CTNNA3: variants seen among roughly 807,000 people sequenced by gnomAD.
CTNNA3 encodes catenin alpha 3.
A neutral mutation model predicts 95.7 loss-of-function variants in CTNNA3; 76 were observed. That is an observed-to-expected ratio of 0.79 (90% CI 0.66 to 0.96). The LOEUF (loss-of-function observed/expected upper bound fraction) is 0.96. Among genes scored for constraint, CTNNA3 ranks in the 40% least tolerant of loss-of-function variants. The pLI is 0.00. For missense variants in CTNNA3, 1,191 were observed against 1,089.8 expected, an observed-to-expected ratio of 1.09 and a Z score of -1.31; for synonymous variants, 431 against 374.4, an observed-to-expected ratio of 1.15 and a Z score of -1.74.
chr10:67,195,726 T>G (rs971517840), intron 6 of CTNNA3, among the ~76,000 whole-genome samples: 2 of 152,084 alleles, frequency 1.3e-5, no homozygotes, highest in African/African-American at 2.4e-5. Flanking sequence ...AACAAGGCTG[T>G]GACCATGCCT....
rs116367241 is a variant in CTNNA3, at chr10:66,349,553, G to T, written c.1732+29599C>A. 9.0e-3 allele frequency among the ~76,000 whole-genome samples: 1,374 copies of T among 152,158 alleles called. 20 individuals are homozygous for T. The highest frequency in any genetic ancestry group is 0.03 in the African/African-American group (1,253 of 41,544). ...GCTCATGAAGGAAAAGAAAAAGCAG[G>T]TTATTCTTTCCAAAGCCATTCACAA... On this transcript the variant is annotated intron_variant, in intron 12 of 17. Coordinates refer to ENST00000433211, the MANE Select transcript of CTNNA3 (RefSeq NM_013266.4).
chr10:67,331,491 G>A (rs146152137), intron 5 of CTNNA3, among the ~76,000 whole-genome samples: 1 of 150,904 alleles, frequency 6.6e-6, no homozygotes, highest in African/African-American at 2.4e-5. Flanking sequence ...AGTATTGTGA[G>A]AATCAACAAA....
chr10:66,785,793 T>C (rs1261251748), intron 7 of CTNNA3, among the ~76,000 whole-genome samples: 1 of 152,182 alleles, frequency 6.6e-6, no homozygotes, highest in Non-Finnish European at 1.5e-5. Flanking sequence ...TCTGTTTATC[T>C]GTAGAATCCT....
In CTNNA3 at chr10:67,668,450, A is replaced by G. The variant is rs150004707; in HGVS notation, c.-5-20932T>C. ...TTTTCCTATACCTGCAAACTATGAT[A>G]AAGTTTAATTTATAAGTTAGGCAAG... is the stretch of plus-strand genomic sequence containing the variant. On this transcript the variant is annotated intron_variant, in intron 1 of 17. Transcript: ENST00000433211. 9.0e-3 allele frequency among the ~76,000 whole-genome samples: 1,369 copies of G among 152,318 alleles called. 20 individuals carry two copies. The highest frequency in any genetic ancestry group is 0.031 in the African/African-American group (1,271 of 41,560).
intron 7 of CTNNA3, among the ~76,000 whole-genome samples, chr10:66,871,976 C>T (rs917990921): frequency 6.6e-6 from 1 of 152,204 alleles, no homozygotes; most frequent in African/African-American, 2.4e-5. Flanking sequence ...TATATTAGCA[C>T]TGCACAAGGT....
chr10:67,148,484 G>A (rs1860941029), intron 7 of CTNNA3, among the ~76,000 whole-genome samples: 1 of 152,192 alleles, frequency 6.6e-6, no homozygotes, highest in South Asian at 2.1e-4. Flanking sequence ...CTCTTTACCA[G>A]ATCATGGGGT....
At chr10:67,135,929 G>A (rs1489545207) in intron 7 of CTNNA3, among the ~76,000 whole-genome samples, 1 of 152,160 alleles carries the variant, frequency 6.6e-6, no homozygotes, top group East Asian at 1.9e-4. Flanking sequence ...AAGCAAAGCA[G>A]TTTATCTTTC....
Position 66,952,244 on chromosome 10 carries a change from G to A in CTNNA3, c.1048-176720C>T, listed in dbSNP as rs189917702. On this transcript the variant is annotated intron_variant, in intron 7 of 17. Coordinates refer to ENST00000433211, the MANE Select transcript of CTNNA3 (RefSeq NM_013266.4). ...AATGAAAAGAATACTCATTGTAATTGAAACTATGCAGGGGACAGAGCTTCC... is the reference window on the plus strand; with the variant it reads ...AATGAAAAGAATACTCATTGTAATTAAAACTATGCAGGGGACAGAGCTTCC... Among the ~76,000 whole-genome samples, 118 of 152,282 alleles carry A rather than the reference G, an allele frequency of 7.7e-4. No individual in the cohort carries two copies. The Middle Eastern group carries it at 0.014, about 18-fold the overall frequency.
intron 5 of CTNNA3, among the ~76,000 whole-genome samples, chr10:67,399,012 G>A (rs1042209895): frequency 2.4e-4 from 36 of 151,454 alleles, no homozygotes; most frequent in African/African-American, 8.2e-4. Flanking sequence ...AGAACAGAAC[G>A]AATACACTAT....
At chr10:66,719,592 T>C (rs539536299) in intron 9 of CTNNA3, among the ~76,000 whole-genome samples, 3 of 152,282 alleles carry the variant, frequency 2.0e-5, no homozygotes, top group South Asian at 4.1e-4. Flanking sequence ...AAAACTGCTA[T>C]GACCAGAAGT....
At chr10:66,841,904 ATACCTCTGTGGCAGGAAAGAAT>A in intron 7 of CTNNA3, among the ~76,000 whole-genome samples, 1 of 152,118 alleles carries the variant, frequency 6.6e-6, no homozygotes, top group Non-Finnish European at 1.5e-5. Context: ...AGGAAAGACT[ATACCTCTGTGGCAGGAAAGAAT>A]TTCCCATGTG....
intron 15 of CTNNA3, among the ~76,000 whole-genome samples, chr10:66,040,787 T>C (rs2079670461): frequency 6.6e-6 from 1 of 152,134 alleles, no homozygotes; most frequent in African/African-American, 2.4e-5. Flanking sequence ...CTAGGCTTAG[T>C]ACCTGGGTGA....
At chr10:66,407,300 T>C (rs1035092940) in intron 11 of CTNNA3, among the ~76,000 whole-genome samples, 8 of 151,956 alleles carry the variant, frequency 5.3e-5, no homozygotes, top group Admixed American at 1.3e-4. Flanking sequence ...AAAAAACCTA[T>C]ATTTTAGTGA....
At chr10:67,637,190 C>A (rs889950638) in intron 2 of CTNNA3, among the ~76,000 whole-genome samples, 4 of 152,198 alleles carry the variant, frequency 2.6e-5, no homozygotes, top group African/African-American at 7.2e-5. Flanking sequence ...GAGCTGAAAA[C>A]CATGACACTA....
At chr10:66,846,467 CCACACACACACA>C (rs34923400) in intron 7 of CTNNA3, among the ~76,000 whole-genome samples, 1 of 147,714 alleles carries the variant, frequency 6.8e-6, no homozygotes, top group East Asian at 2.0e-4. Context: ...AATGTTCTCA[CCACACACACACA>C]CACACACACA....
chr10:67,630,103 A>G (rs931158620), intron 2 of CTNNA3, among the ~76,000 whole-genome samples: 1 of 152,198 alleles, frequency 6.6e-6, no homozygotes, highest in African/African-American at 2.4e-5. Context: ...GCCCACCCTG[A>G]TAAAGTTAGC....
At chr10:66,928,028 T>C in intron 7 of CTNNA3, 2 of 1,614,128 alleles carry the variant, frequency 1.2e-6, no homozygotes, top group South Asian at 1.1e-5. Flanking sequence ...AGGTTTGATC[T>C]GGCCAGGGCT....
intron 2 of CTNNA3, among the ~76,000 whole-genome samples, chr10:67,645,963 T>C (rs1839693859): frequency 1.3e-5 from 2 of 148,232 alleles, no homozygotes; most frequent in Admixed American, 1.4e-4. Context: ...ATAATATATA[T>C]ACGTGTAAGG....
At chr10:65,963,882 A>C (rs1023291524) in intron 17 of CTNNA3, among the ~76,000 whole-genome samples, 1 of 152,178 alleles carries the variant, frequency 6.6e-6, no homozygotes, top group Admixed American at 6.5e-5. Flanking sequence ...TTATTTTATT[A>C]ATTCATCTTC....
Sources: gnomAD v4.1 joint callset for allele counts (sites outside exome capture counted in the v4.1 genomes callset) on GRCh38, gnomAD v4.1.1 for gene constraint, MANE v1.5 for transcripts, NCBI Gene and HGNC (gene_info 2026-07-23, HGNC 2026-07-21) for gene names.